The following ACYP2 variants were observed in gnomAD, a reference collection of about 807,000 sequenced individuals.
ACYP2 encodes acylphosphatase-2.
ACYP2 carries 12 observed loss-of-function variants against 11.2 expected under a neutral mutation model. The ratio of observed to expected loss-of-function variants is 1.08; its 90% CI spans 0.69 to 1.74. ACYP2 has a LOEUF of 1.74. Among genes scored for constraint, ACYP2 ranks in the 40% most tolerant of loss-of-function variants. The probability of loss-of-function intolerance (pLI) is 0.00; values close to 1 mark genes in which losing one functional copy is unlikely to be tolerated. For missense variants in ACYP2, 134 were observed against 101.9 expected, an observed-to-expected ratio of 1.31 and a Z score of -1.35; for synonymous variants, 43 against 32.2, an observed-to-expected ratio of 1.33 and a Z score of -1.13.
At chr2:54,078,255 C>T (rs1256755376) in intron 4 of ACYP2, among the ~76,000 whole-genome samples, 2 of 151,774 alleles carry the variant, frequency 1.3e-5, no homozygotes, top group Non-Finnish European at 2.9e-5. Flanking sequence ...CCAATGATTG[C>T]ATTTTCTGTC....
At chr2:54,057,428 GT>G (rs956594193) in intron 4 of ACYP2, 2 of 393,334 alleles carry the variant, frequency 5.1e-6, no homozygotes, top group African/African-American at 4.1e-5. Flanking sequence ...GAACATTTTG[GT>G]ATATAAAATT....
At chr2:54,269,321 A>G (rs1688176720) in intron 6 of ACYP2, among the ~76,000 whole-genome samples, 1 of 152,226 alleles carries the variant, frequency 6.6e-6, no homozygotes, top group Non-Finnish European at 1.5e-5. Flanking sequence ...GGGATGGCAA[A>G]GAGGATACTG....
At chr2:54,064,566 C>G (rs910964358) in intron 4 of ACYP2, among the ~76,000 whole-genome samples, 1 of 152,174 alleles carries the variant, frequency 6.6e-6, no homozygotes, top group Non-Finnish European at 1.5e-5. Context: ...TAGCCAGAGT[C>G]CACGTCTGCT....
intron 6 of ACYP2, among the ~76,000 whole-genome samples, chr2:54,294,533 C>T (rs1418142053): frequency 1.3e-5 from 2 of 152,034 alleles, no homozygotes; most frequent in Non-Finnish European, 2.9e-5. Context: ...CAACCATTGC[C>T]TTGCTTCAGA....
At chr2:53,995,851 G>A (rs1002074804) in intron 2 of ACYP2, among the ~76,000 whole-genome samples, 3 of 152,020 alleles carry the variant, frequency 2.0e-5, no homozygotes, top group African/African-American at 7.2e-5. Context: ...ACCCACAATG[G>A]GCTGGGCACG....
chr2:54,179,483 AG>A (rs1683614107), intron 6 of ACYP2, among the ~76,000 whole-genome samples: 1 of 152,206 alleles, frequency 6.6e-6, no homozygotes, highest in Admixed American at 6.5e-5. Context: ...AAGGAATGAA[AG>A]AATGGCTACT....
intron 4 of ACYP2, among the ~76,000 whole-genome samples, chr2:54,058,581 C>T (rs1676287127): frequency 6.6e-6 from 1 of 152,062 alleles, no homozygotes; most frequent in Admixed American, 6.6e-5. Context: ...AAGTATTGTA[C>T]TTTGACTACT....
At chr2:54,018,770 C>T (rs1239697448) in intron 2 of ACYP2, among the ~76,000 whole-genome samples, 2 of 152,092 alleles carry the variant, frequency 1.3e-5, no homozygotes, top group South Asian at 2.1e-4. Context: ...CTTTTTTAGA[C>T]AGAGTCTTAC....
chr2:54,004,404 CTTTTTTTTTTT>C (rs1168703943), intron 2 of ACYP2, among the ~76,000 whole-genome samples: 1 of 92,060 alleles, frequency 1.1e-5, no homozygotes, highest in Non-Finnish European at 1.9e-5. Flanking sequence ...GTAGTTTAGC[CTTTTTTTTTTT>C]TTTTTTTTTT....
At chr2:54,131,699 G>A (rs1680909547) in intron 4 of ACYP2, among the ~76,000 whole-genome samples, 1 of 152,120 alleles carries the variant, frequency 6.6e-6, no homozygotes. Context: ...TCAGATCTGT[G>A]GTACCCTACG....
chr2:54,029,876 G>C lies in ACYP2; in HGVS notation c.63-21082G>C, dbSNP rs931823114. 9 of 270,524 alleles carry C rather than the reference G, an allele frequency of 3.3e-5. 1 individual carries two copies. Among genetic ancestry groups the C allele is most frequent in the Non-Finnish European group, 6.3e-5 (9 of 142,920 alleles). 16.8% of individuals were successfully genotyped at this position (270,524 alleles called of 1,614,324 possible). On this transcript the variant is annotated intron_variant, in intron 2 of 6. Transcript: ENST00000607452. ...CACCTTTCTTACAGATTTGTTCCCA[G>C]AACCAAGCCGGGTCCGGCTGTGTTT...
intron 4 of ACYP2, among the ~76,000 whole-genome samples, chr2:54,084,261 G>A (rs1411499854): frequency 6.6e-6 from 1 of 152,066 alleles, no homozygotes; most frequent in Non-Finnish European, 1.5e-5. Context: ...AGGATTAAAT[G>A]CAAATCTTAG....
chr2:54,006,485 G>A (rs2104532188), intron 2 of ACYP2, among the ~76,000 whole-genome samples: 1 of 152,072 alleles, frequency 6.6e-6, no homozygotes, highest in Non-Finnish European at 1.5e-5. Flanking sequence ...GTGTCTTGCT[G>A]TGCTGCCCAG....
intron 4 of ACYP2, among the ~76,000 whole-genome samples, chr2:54,078,802 T>C (rs1325055349): frequency 1.3e-5 from 2 of 152,138 alleles, no homozygotes; most frequent in East Asian, 3.9e-4. Context: ...TTCACCATGT[T>C]GGCCAGGCTG....
At chr2:54,255,869 C>G (rs776617090) in intron 6 of ACYP2, 1 of 1,613,908 alleles carries the variant, frequency 6.2e-7, no homozygotes, top group Non-Finnish European at 8.5e-7. Context: ...AGGCCCTCCG[C>G]GGGTGGTGGA....
At chr2:54,072,674 T>G (rs985399344) in intron 4 of ACYP2, among the ~76,000 whole-genome samples, 1 of 151,840 alleles carries the variant, frequency 6.6e-6, no homozygotes, top group Non-Finnish European at 1.5e-5. Context: ...GCAATTCTTG[T>G]GCCTCAGGCT....
chr2:54,256,305 C>T, intron 6 of ACYP2: 1 of 772,898 alleles, frequency 1.3e-6, no homozygotes. Context: ...GCGACACTCA[C>T]TCCTCAGTCT....
intron 4 of ACYP2, among the ~76,000 whole-genome samples, chr2:54,096,722 A>G (rs1324801591): frequency 1.3e-5 from 2 of 152,220 alleles, no homozygotes; most frequent in Non-Finnish European, 2.9e-5. Context: ...AATCACAGGC[A>G]CTCGGCAGGC....
chr2:54,127,679 C>A (rs577773633), intron 4 of ACYP2, among the ~76,000 whole-genome samples: 1 of 134,370 alleles, frequency 7.4e-6, no homozygotes, highest in Non-Finnish European at 1.6e-5. Context: ...ACCTGGGAGG[C>A]GGAGGTTGCA....
Sources: gnomAD v4.1 joint callset for allele counts (sites outside exome capture counted in the v4.1 genomes callset) on GRCh38, gnomAD v4.1.1 for gene constraint, MANE v1.5 for transcripts, NCBI Gene and HGNC (gene_info 2026-07-23, HGNC 2026-07-21) for gene names.